CNGB3: variants seen among roughly 807,000 people sequenced by gnomAD.
CNGB3 encodes cyclic nucleotide-gated channel beta-3.
In CNGB3, 86 loss-of-function variants were observed where a neutral mutation model predicts 92.8. The observed-to-expected ratio is 0.93, with a 90% confidence interval of 0.78 to 1.11. The LOEUF (loss-of-function observed/expected upper bound fraction) is 1.11, where lower values mean the gene tolerates loss of function less well. Ranked by LOEUF, CNGB3 falls within the 50% of genes least tolerant of loss-of-function variation. The pLI is 0.00. For missense variants in CNGB3, 1,026 were observed against 956.8 expected (o/e 1.07, Z -0.95); for synonymous variants, 333 against 332.7 (o/e 1.00, Z -0.01).
At chr8:86,590,923 C>T (rs1822018048) in intron 15 of CNGB3, among the ~76,000 whole-genome samples, 1 of 151,212 alleles carries the variant, frequency 6.6e-6, no homozygotes, top group African/African-American at 2.4e-5. Flanking sequence ...TGGATAATAT[C>T]CTGCAGAGTG....
chr8:86,669,347 G>T (rs77179326), intron 4 of CNGB3, among the ~76,000 whole-genome samples: 3,420 of 152,172 alleles, frequency 0.022, 118 homozygotes, highest in African/African-American at 0.074. Context: ...TAACATTTAT[G>T]AAAATATACA....
intron 6 of CNGB3, among the ~76,000 whole-genome samples, chr8:86,664,134 AG>A (rs1240835745): frequency 6.6e-6 from 1 of 152,214 alleles, no homozygotes; most frequent in Admixed American, 6.5e-5. Context: ...AATGCTATAA[AG>A]TCTGCACAAG....
At chr8:86,741,910 T>C (rs903369265) in intron 1 of CNGB3, among the ~76,000 whole-genome samples, 2 of 150,770 alleles carry the variant, frequency 1.3e-5, no homozygotes, top group African/African-American at 5.0e-5. Context: ...AAGGGTTGAC[T>C]CAACTAATAT....
chr8:86,700,150 A>G (rs1017149809), intron 3 of CNGB3, among the ~76,000 whole-genome samples: 2 of 152,230 alleles, frequency 1.3e-5, no homozygotes, highest in African/African-American at 4.8e-5. Flanking sequence ...GCAACATTGT[A>G]TGAGAAGCAA....
intron 13 of CNGB3, among the ~76,000 whole-genome samples, chr8:86,615,526 C>G (rs1822602406): frequency 1.3e-5 from 2 of 152,044 alleles, no homozygotes; most frequent in Admixed American, 1.3e-4. Flanking sequence ...TCGCTAGAAC[C>G]TGGGAGGCGG....
chr8:86,663,878 G>A (rs745385758), intron 6 of CNGB3, among the ~76,000 whole-genome samples: 20 of 152,078 alleles, frequency 1.3e-4, no homozygotes, highest in African/African-American at 2.2e-4. Context: ...GTTTTTTACC[G>A]GTTATTTTTC....
chr8:86,649,664 ACTTAAAT>A (rs892503384), intron 7 of CNGB3, among the ~76,000 whole-genome samples: 57 of 151,844 alleles, frequency 3.8e-4, no homozygotes, highest in African/African-American at 1.4e-3. Context: ...TAAATCAAAG[ACTTAAAT>A]CTAAGACCTG....
At chr8:86,645,234 G>A (rs1450629830) in intron 8 of CNGB3, among the ~76,000 whole-genome samples, 1 of 151,258 alleles carries the variant, frequency 6.6e-6, no homozygotes, top group Non-Finnish European at 1.5e-5. Flanking sequence ...TCTGATACAA[G>A]CAGAGTTACT....
chr8:86,665,909 A>T (rs1162895013), intron 6 of CNGB3, among the ~76,000 whole-genome samples: 2 of 152,200 alleles, frequency 1.3e-5, no homozygotes, highest in South Asian at 4.1e-4. Flanking sequence ...TGGGGAAAAA[A>T]AAGGGTCATG....
chr8:86,736,852 T>C (rs186518327), intron 2 of CNGB3, among the ~76,000 whole-genome samples: 2 of 152,284 alleles, frequency 1.3e-5, no homozygotes, highest in East Asian at 3.9e-4. Flanking sequence ...CAGATAGAGT[T>C]TTAGGATTAT....
At chr8:86,724,696 G>T (rs1825028654) in intron 3 of CNGB3, among the ~76,000 whole-genome samples, 1 of 152,078 alleles carries the variant, frequency 6.6e-6, no homozygotes, top group African/African-American at 2.4e-5. Context: ...GCCTAGTTAG[G>T]AATGTCAGGG....
In CNGB3 at chr8:86,579,179, G is replaced by C. The variant is rs762859434; in HGVS notation, c.1855C>G (p.Leu619Val). The C allele has an allele frequency of 7.4e-6, 12 of 1,614,136 alleles. No homozygotes were observed. The Admixed American group carries it at 1.7e-4, about 22-fold the overall frequency. ...ATTTCTTGGAGGGTCTTTTTGTCTA[G>C]AGTTAAAAGATTGGCAAACCCGTGG... ...VAHGFANLLT[L>V]DKKTLQEILV... The change falls in exon 16 of 18, where the codon CTA (leucine) becomes GTA (valine). Residue 619 changes from leucine to valine, a missense_variant. Leu to Val is a conservative substitution (Grantham distance 32). Transcript: ENST00000320005.
chr8:86,668,090 T>C lies in CNGB3; in HGVS notation c.572A>G (p.Lys191Arg). The C allele has an allele frequency of 2.5e-6, 4 of 1,614,104 alleles. No homozygotes were observed. The highest frequency in any genetic ancestry group is 3.4e-6 in the Non-Finnish European group (4 of 1,180,004). ...CTCTGTTAAAGGCATCTTTTTGACT[T>C]TGAACCACAACAGCCTGTAGTAATG... is the stretch of plus-strand genomic sequence containing the variant. ...TEHYYRLLWF[K>R]VKKMPLTEYL... Residue 191 changes from lysine (K) to arginine (R), a missense_variant, in exon 5 of 18, where the codon AAA becomes AGA. By Grantham distance (26) the Lys-to-Arg change is conservative (BLOSUM62 2). Transcript: ENST00000320005.
At chr8:86,635,098 G>A (rs562764040) in intron 10 of CNGB3, among the ~76,000 whole-genome samples, 39 of 151,648 alleles carry the variant, frequency 2.6e-4, no homozygotes, top group African/African-American at 8.9e-4. Context: ...AGTCTTCCTT[G>A]GACTTACTAA....
intron 15 of CNGB3, among the ~76,000 whole-genome samples, chr8:86,592,583 C>T (rs1782041844): frequency 6.6e-6 from 1 of 152,028 alleles, no homozygotes; most frequent in Admixed American, 6.6e-5. Context: ...AATCAGGCAG[C>T]CTTCTTAAGC....
At chr8:86,655,417 C>G (rs1167355004) in intron 6 of CNGB3, among the ~76,000 whole-genome samples, 1 of 152,202 alleles carries the variant, frequency 6.6e-6, no homozygotes, top group Non-Finnish European at 1.5e-5. Flanking sequence ...AGAAACAGAA[C>G]CCACTCTGTT....
At chr8:86,603,976 T>C (rs1237327030) in intron 15 of CNGB3, 117 bp downstream of exon 15, 3 of 724,700 alleles carry the variant, frequency 4.1e-6, no homozygotes, top group Non-Finnish European at 7.3e-6. Context: ...ATTTTACGAA[T>C]GCTCTCAGCA....
At position 86,632,920 on chromosome 8, in the gene CNGB3, G is replaced by A. The variant is rs767958557; in HGVS notation, c.1179-27C>T. ...TGTGAAAACAGAAGATATACATTTT[G>A]CTTTTTTTCTATATCATCGAAAGAC... is the stretch of plus-strand genomic sequence containing the variant. On this transcript the variant is annotated intron_variant, in intron 10 of 17. Transcript: ENST00000320005. The A allele has an allele frequency of 2.5e-6, 4 of 1,609,640 alleles. No homozygotes were observed. The African/African-American group carries it at 5.4e-5, about 22-fold the overall frequency.
At chr8:86,733,249 C>T (rs942790037) in intron 2 of CNGB3, among the ~76,000 whole-genome samples, 1 of 152,124 alleles carries the variant, frequency 6.6e-6, no homozygotes, top group Non-Finnish European at 1.5e-5. Context: ...CATCTTCATC[C>T]ATGTTGCTGC....
Sources: allele counts gnomAD v4.1 joint callset (sites outside exome capture counted in the v4.1 genomes callset), GRCh38; gene constraint gnomAD v4.1.1; transcripts MANE v1.5; gene names NCBI Gene and HGNC (gene_info 2026-07-23, HGNC 2026-07-21).